Variants in TAFA4 observed in about 807,000 individuals in gnomAD.
TAFA4 encodes the protein TAFA chemokine like family member 4.
Under a neutral mutation model 21.1 loss-of-function variants are expected in TAFA4, and 20 were observed. The observed-to-expected ratio is 0.95, with a 90% CI of 0.67 to 1.38. The LOEUF (loss-of-function observed/expected upper bound fraction) is 1.38, where lower values mean the gene tolerates loss of function less well. Ranked by LOEUF, TAFA4 falls within the 40% of genes most tolerant of loss-of-function variation. The probability of loss-of-function intolerance (pLI) is 0.00; values close to 1 mark genes in which losing one functional copy is unlikely to be tolerated. For missense variants in TAFA4, 211 were observed against 180.9 expected (o/e 1.17, Z -0.95); for synonymous variants, 71 against 67.4 (o/e 1.05, Z -0.26).
chr3:68,857,540 T>C (rs1475666841), intron 3 of TAFA4, among the ~76,000 whole-genome samples: 1 of 152,170 alleles, frequency 6.6e-6, no homozygotes, highest in Non-Finnish European at 1.5e-5. Context: ...ATCAGCTTTT[T>C]AAAACCATGA....
intron 3 of TAFA4, among the ~76,000 whole-genome samples, chr3:68,790,125 A>G (rs1703334782): frequency 6.6e-6 from 1 of 152,214 alleles, no homozygotes; most frequent in Non-Finnish European, 1.5e-5. Context: ...ATGTAGATGT[A>G]ATATATATAA....
chr3:68,748,738 C>T (rs1056999540), intron 4 of TAFA4, among the ~76,000 whole-genome samples: 5 of 145,222 alleles, frequency 3.4e-5, no homozygotes, highest in Non-Finnish European at 6.0e-5. Flanking sequence ...AGCGAGACTC[C>T]GTCTCAAAAA....
intron 3 of TAFA4, among the ~76,000 whole-genome samples, chr3:68,761,336 G>T (rs1434525395): frequency 1.3e-5 from 2 of 149,582 alleles, no homozygotes; most frequent in Non-Finnish European, 3.0e-5. Flanking sequence ...TGAAAAAAAT[G>T]AGCAAAAAAA....
intron 3 of TAFA4, among the ~76,000 whole-genome samples, chr3:68,842,301 T>C (rs1405181232): frequency 1.3e-5 from 2 of 152,242 alleles, no homozygotes; most frequent in East Asian, 3.8e-4. Flanking sequence ...TGGCCAGTAA[T>C]GATGAGCTTT....
chr3:68,832,890 G>A (rs576615909), intron 3 of TAFA4, among the ~76,000 whole-genome samples: 6 of 152,106 alleles, frequency 3.9e-5, no homozygotes, highest in Middle Eastern at 3.4e-3. Context: ...ACATACAACC[G>A]CCTACTCAAG....
At chr3:68,733,355 C>A (rs1175922815) in intron 5 of TAFA4, among the ~76,000 whole-genome samples, 1 of 152,122 alleles carries the variant, frequency 6.6e-6, no homozygotes, top group Admixed American at 6.6e-5. Context: ...TGCACAAAGA[C>A]TTCCATAAGA....
chr3:68,770,090 G>GA (rs1020856588), intron 3 of TAFA4, among the ~76,000 whole-genome samples: 15 of 150,940 alleles, frequency 9.9e-5, no homozygotes, highest in African/African-American at 1.9e-4. Context: ...TCAGATCCAT[G>GA]AAAAAAAAAT....
chr3:68,791,866 G>A (rs1703367204), intron 3 of TAFA4, among the ~76,000 whole-genome samples: 1 of 152,204 alleles, frequency 6.6e-6, no homozygotes. Context: ...TTAGAACCTT[G>A]ATGTGGTATT....
At chr3:68,896,063 C>G (rs1044442209) in intron 1 of TAFA4, among the ~76,000 whole-genome samples, 1 of 152,188 alleles carries the variant, frequency 6.6e-6, no homozygotes, top group African/African-American at 2.4e-5. Context: ...CTAAAATAAG[C>G]TTGGTGTGTT....
chr3:68,797,998 GATGA>G (rs1373883398), intron 3 of TAFA4, among the ~76,000 whole-genome samples: 3 of 152,172 alleles, frequency 2.0e-5, no homozygotes, highest in Non-Finnish European at 2.9e-5. Context: ...TGAAATAGGT[GATGA>G]ATGAACAACA....
chr3:68,738,999 G>T, intron 5 of TAFA4, 76 bp downstream of exon 5: 1 of 1,580,220 alleles, frequency 6.3e-7, no homozygotes, highest in South Asian at 1.2e-5. Flanking sequence ...TGTTCTTGAT[G>T]GCAGAATAAA....
intron 1 of TAFA4, among the ~76,000 whole-genome samples, chr3:68,904,721 A>G (rs916756269): frequency 9.2e-5 from 14 of 152,180 alleles, no homozygotes; most frequent in African/African-American, 3.4e-4. Context: ...ATGCTCCCAG[A>G]ATCATCCACC....
intron 3 of TAFA4, among the ~76,000 whole-genome samples, chr3:68,832,829 C>A (rs1223079699): frequency 6.6e-6 from 1 of 152,250 alleles, no homozygotes; most frequent in Non-Finnish European, 1.5e-5. Flanking sequence ...TGCTGAGCTG[C>A]AGTGGGCTCT....
intron 1 of TAFA4, among the ~76,000 whole-genome samples, chr3:68,930,205 T>C (rs774580507): frequency 7.2e-5 from 11 of 152,126 alleles, no homozygotes; most frequent in Non-Finnish European, 1.2e-4. Flanking sequence ...GATCAGAAAA[T>C]GAATATTGAA....
intron 1 of TAFA4, chr3:68,913,617 G>T (rs1283329921): frequency 1.3e-5 from 2 of 152,256 alleles, no homozygotes; most frequent in Admixed American, 1.3e-4. Flanking sequence ...TCCAATGGCA[G>T]TTCAAGTCGT....
chr3:68,822,982 T>C (rs902844769), intron 3 of TAFA4, among the ~76,000 whole-genome samples: 1 of 152,176 alleles, frequency 6.6e-6, no homozygotes, highest in African/African-American at 2.4e-5. Context: ...ATTTCCCAAA[T>C]GAATAGGAGC....
chr3:68,739,221 A>T (rs779997455), intron 4 of TAFA4, 22 bp from the exon 5 acceptor site: 1 of 1,613,098 alleles, frequency 6.2e-7, no homozygotes, highest in Non-Finnish European at 8.5e-7. Context: ...AGGCCAAATA[A>T]TATTTGTGAC....
chr3:68,813,112 G>A (rs1703878684), intron 3 of TAFA4, among the ~76,000 whole-genome samples: 1 of 152,016 alleles, frequency 6.6e-6, no homozygotes, highest in African/African-American at 2.4e-5. Context: ...AAATAAAGAT[G>A]TTCTTTGAAA....
chr3:68,804,029 C>A (rs1703632240), intron 3 of TAFA4, among the ~76,000 whole-genome samples: 1 of 151,864 alleles, frequency 6.6e-6, no homozygotes, highest in Admixed American at 6.6e-5. Context: ...CTCAGGTGAT[C>A]CACCTGCCTC....
Sources: gnomAD v4.1 joint callset for allele counts (sites outside exome capture counted in the v4.1 genomes callset) on GRCh38, gnomAD v4.1.1 for gene constraint, MANE v1.5 for transcripts, NCBI Gene and HGNC (gene_info 2026-07-23, HGNC 2026-07-21) for gene names.